The following NOTCH2NLB variants were observed in gnomAD, a reference collection of about 807,000 sequenced individuals.
NOTCH2NLB encodes the protein notch homolog 2 N-terminal-like protein B.
NOTCH2NLB carries 1 observed loss-of-function variant against 14.8 expected under a neutral mutation model. The observed-to-expected ratio is 0.07, with a 90% CI of 0.02 to 0.32. The LOEUF is 0.32. NOTCH2NLB is among the 10% of genes least tolerant of loss of function. The pLI, the probability that NOTCH2NLB is intolerant of heterozygous loss-of-function variation, is 1.00. For synonymous variants in NOTCH2NLB, 6 were observed against 57.5 expected, an observed-to-expected ratio of 0.10 and a Z score of 4.05; for missense variants, 11 against 155.0, an observed-to-expected ratio of 0.07 and a Z score of 4.93.
Position 148,679,553 on chromosome 1 carries a change from C to T in NOTCH2NLB, c.-89G>A. ...CGGGCATCTTCTCGGTCGCCTCCTC[C>T]GCCGCCGCCGCCTGGGCAGATCCAC... is the stretch of plus-strand genomic sequence containing the variant. On this transcript the variant is annotated 5_prime_UTR_variant, in exon 1 of 5. Coordinates refer to ENST00000593495, the Ensembl canonical transcript of NOTCH2NLB. The T allele has an allele frequency of 2.7e-6, 3 of 1,117,782 alleles. 1 individual carries two copies. The highest frequency in any genetic ancestry group is 3.8e-5 in the South Asian group (2 of 53,048). 69.2% of individuals were successfully genotyped at this position (1,117,782 alleles called of 1,614,324 possible). A position where few individuals can be genotyped will look rare whatever the true frequency, so the allele number is the denominator to read the frequency against.
At chr1:148,625,339 C>CTT (rs1156615359) in intron 2 of NOTCH2NLB, among the ~76,000 whole-genome samples, 2 of 59,874 alleles carry the variant, frequency 3.3e-5, no homozygotes, top group Non-Finnish European at 6.2e-5. Flanking sequence ...CTGTCTTTAG[C>CTT]TTTTTTTTTT....
chr1:148,674,805 T>C (rs1350418389), intron 1 of NOTCH2NLB, among the ~76,000 whole-genome samples: 1 of 143,842 alleles, frequency 7.0e-6, no homozygotes, highest in East Asian at 2.1e-4. Flanking sequence ...TATTTATTCA[T>C]CATATTTCAC....
chr1:148,658,554 T>C (rs1302224874), intron 1 of NOTCH2NLB, among the ~76,000 whole-genome samples: 637 of 75,088 alleles, frequency 8.5e-3, no homozygotes, highest in African/African-American at 0.025. Flanking sequence ...ATACCACTTT[T>C]TTTTTTTTTT....
downstream of NOTCH2NLB, among the ~76,000 whole-genome samples, chr1:148,606,403 GAAC>G (rs1663508155): frequency 8.5e-6 from 1 of 117,302 alleles, no homozygotes; most frequent in Non-Finnish European, 1.6e-5. Context: ...AGAGTAACTA[GAAC>G]AACTTCTTTT....
chr1:148,707,957 C>T, the NOTCH2NLB span, among the ~76,000 whole-genome samples: 2 of 21,644 alleles, frequency 9.2e-5, no homozygotes, highest in Non-Finnish European at 2.1e-4. Context: ...TTCTCCTATT[C>T]CCCCCCCCCC....
At chr1:148,615,138 A>T (rs1414579931) in intron 3 of NOTCH2NLB, among the ~76,000 whole-genome samples, 2 of 142,352 alleles carry the variant, frequency 1.4e-5, no homozygotes, top group South Asian at 2.3e-4. Context: ...CCTGGTGTAC[A>T]TATTTTTTTT....
At chr1:148,697,810 C>T in the NOTCH2NLB span, among the ~76,000 whole-genome samples, 1 of 83,862 alleles carries the variant, frequency 1.2e-5, no homozygotes, top group Middle Eastern at 5.2e-3. Flanking sequence ...AACATGCTTA[C>T]CGCTGGTAAT....
chr1:148,703,341 T>G, the NOTCH2NLB span, among the ~76,000 whole-genome samples: 1 of 115,586 alleles, frequency 8.7e-6, no homozygotes, highest in Non-Finnish European at 1.8e-5. Flanking sequence ...GTAGGAGAAA[T>G]ATGGGCAGGA....
intron 2 of NOTCH2NLB, among the ~76,000 whole-genome samples, chr1:148,633,348 T>C (rs1664149839): frequency 9.0e-6 from 1 of 110,794 alleles, no homozygotes; most frequent in Non-Finnish European, 1.8e-5. Flanking sequence ...GGTCAGGAGA[T>C]AGAGACCATC....
chr1:148,649,963 TTTTTAAATGGAGTACACAA>T (rs1213202413), intron 1 of NOTCH2NLB, among the ~76,000 whole-genome samples: 7 of 61,402 alleles, frequency 1.1e-4, no homozygotes, highest in Non-Finnish European at 1.9e-4. Context: ...CTCAGGACAC[TTTTTAAATGGAGTACACAA>T]TTTCTCATGT....
chr1:148,650,956 G>T (rs1221822995), intron 1 of NOTCH2NLB, among the ~76,000 whole-genome samples: 4 of 104,428 alleles, frequency 3.8e-5, no homozygotes, highest in Non-Finnish European at 7.8e-5. Context: ...TGGCTAACAC[G>T]GTGAAACCCC....
chr1:148,632,938 G>A (rs1311498253), intron 2 of NOTCH2NLB, among the ~76,000 whole-genome samples: 1 of 120,114 alleles, frequency 8.3e-6, no homozygotes, highest in Non-Finnish European at 1.6e-5. Context: ...GAGCTTTCAT[G>A]TTAAAGGCCA....
In NOTCH2NLB at chr1:148,633,668, G is replaced by GA. The variant is rs1454350829; in HGVS notation, c.77+6347dup. ...AACCATACTAGGTCATAAGGCAAAA[G>GA]AAAAAATCAGTACTACTGATCTCCT... On this transcript the variant is annotated intron_variant, in intron 2 of 4. Transcript: ENST00000593495. Among the ~76,000 whole-genome samples, 3 of 7,402 alleles carry GA rather than the reference G, an allele frequency of 4.1e-4. 1 individual carries two copies. The African/African-American group carries it at 4.2e-3, about 10-fold the overall frequency. 4.9% of individuals were successfully genotyped at this position (7,402 alleles called of 152,430 possible). A position where few individuals can be genotyped will look rare whatever the true frequency, so the allele number is the denominator to read the frequency against.
intron 2 of NOTCH2NLB, among the ~76,000 whole-genome samples, chr1:148,627,401 T>C (rs1270196514): frequency 8.7e-6 from 1 of 114,854 alleles, no homozygotes; most frequent in African/African-American, 3.4e-5. Context: ...TTTAAATATA[T>C]GTATATGCTT....
chr1:148,650,855 A>C (rs1664484239), intron 1 of NOTCH2NLB, among the ~76,000 whole-genome samples: 1 of 121,076 alleles, frequency 8.3e-6, no homozygotes, highest in Non-Finnish European at 1.7e-5. Context: ...TATAGCCCTA[A>C]ACGGCCAGGC....
intron 2 of NOTCH2NLB, among the ~76,000 whole-genome samples, chr1:148,616,243 CT>C (rs1304790197): frequency 9.1e-6 from 1 of 110,074 alleles, no homozygotes; most frequent in Non-Finnish European, 2.0e-5. Context: ...TGCACCCCAG[CT>C]TTTTTTCATG....
intron 2 of NOTCH2NLB, among the ~76,000 whole-genome samples, chr1:148,622,647 TG>T (rs1318513713): frequency 1.6e-5 from 1 of 61,076 alleles, no homozygotes; most frequent in African/African-American, 1.5e-4. Context: ...GGAGGCATCG[TG>T]AGAGCGCAGT....
chr1:148,649,706 GT>G (rs1207972098), intron 1 of NOTCH2NLB, among the ~76,000 whole-genome samples: 1 of 147,494 alleles, frequency 6.8e-6, no homozygotes, highest in Non-Finnish European at 1.5e-5. Flanking sequence ...TAGAGACAGG[GT>G]TTCACCGTGT....
downstream of NOTCH2NLB, among the ~76,000 whole-genome samples, chr1:148,605,377 A>G (rs1663480162): frequency 6.9e-6 from 1 of 143,958 alleles, no homozygotes; most frequent in African/African-American, 2.7e-5. Flanking sequence ...CACCAAAAAA[A>G]TGTCAGTTTT....
Sources: gnomAD v4.1 joint callset for allele counts (sites outside exome capture counted in the v4.1 genomes callset) on GRCh38, gnomAD v4.1.1 for gene constraint, MANE v1.5 for transcripts, NCBI Gene and HGNC (gene_info 2026-07-23, HGNC 2026-07-21) for gene names.